LRFN2: variants seen among roughly 807,000 people sequenced by gnomAD.
LRFN2 encodes leucine-rich repeat and fibronectin type-III domain-containing protein 2.
LRFN2 carries 18 observed loss-of-function variants against 37.3 expected under a neutral mutation model. That is an observed-to-expected ratio of 0.48 (90% confidence interval 0.33 to 0.72). The LOEUF (loss-of-function observed/expected upper bound fraction) is 0.72. Among genes scored for constraint, LRFN2 ranks in the 30% least tolerant of loss-of-function variants. The pLI, the probability that LRFN2 is intolerant of heterozygous loss-of-function variation, is 0.02. For missense variants in LRFN2, 1,006 were observed against 1,060.7 expected (o/e 0.95, Z 0.72); for synonymous variants, 556 against 466.6 (o/e 1.19, Z -2.47).
intron 2 of LRFN2, among the ~76,000 whole-genome samples, chr6:40,430,372 A>G (rs1763451924): frequency 1.3e-5 from 2 of 152,252 alleles, no homozygotes; most frequent in African/African-American, 4.8e-5. Context: ...GGAGACCTCC[A>G]GGATGGATCA....
intron 1 of LRFN2, among the ~76,000 whole-genome samples, chr6:40,581,823 G>A (rs534516744): frequency 1.3e-5 from 2 of 152,126 alleles, no homozygotes; most frequent in African/African-American, 2.4e-5. Context: ...CCTGCAGGCT[G>A]AGTGGCCACA....
chr6:40,549,493 A>G (rs1308470332), intron 1 of LRFN2, among the ~76,000 whole-genome samples: 1 of 152,262 alleles, frequency 6.6e-6, no homozygotes, highest in African/African-American at 2.4e-5. Flanking sequence ...GTCCTACAAC[A>G]AAAAGACAAC....
At chr6:40,520,326 TAGA>T (rs1766022941) in intron 1 of LRFN2, among the ~76,000 whole-genome samples, 2 of 151,660 alleles carry the variant, frequency 1.3e-5, no homozygotes, top group Admixed American at 6.6e-5. Flanking sequence ...ATGTGGGCTG[TAGA>T]AGGAGGTGCA....
chr6:40,496,471 C>G (rs1765230711), intron 1 of LRFN2, among the ~76,000 whole-genome samples: 1 of 147,264 alleles, frequency 6.8e-6, no homozygotes, highest in South Asian at 2.1e-4. Flanking sequence ...TCCCTTGGGA[C>G]CACCCTTGGT....
At chr6:40,522,825 C>T (rs1294985407) in intron 1 of LRFN2, among the ~76,000 whole-genome samples, 3 of 152,236 alleles carry the variant, frequency 2.0e-5, no homozygotes, top group East Asian at 3.9e-4. Context: ...GGGATGACAG[C>T]CACTCATGCC....
At chr6:40,471,248 G>GCAAATTTAGGGCT in intron 1 of LRFN2, among the ~76,000 whole-genome samples, 1 of 152,126 alleles carries the variant, frequency 6.6e-6, no homozygotes, top group Non-Finnish European at 1.5e-5. Context: ...GTACAGGAAG[G>GCAAATTTAGGGCT]CAACTTTAGG....
intron 2 of LRFN2, among the ~76,000 whole-genome samples, chr6:40,393,160 G>A (rs1762549947): frequency 6.6e-6 from 1 of 151,296 alleles, no homozygotes; most frequent in Admixed American, 6.6e-5. Flanking sequence ...GGGCAGGCAG[G>A]CAACAGGAAT....
chr6:40,483,315 C>T (rs1321961171), intron 1 of LRFN2, among the ~76,000 whole-genome samples: 17 of 152,220 alleles, frequency 1.1e-4, no homozygotes, highest in Admixed American at 1.1e-3. Flanking sequence ...GGTTTCTTTG[C>T]CCTCCCTGCT....
intron 1 of LRFN2, among the ~76,000 whole-genome samples, chr6:40,457,285 T>C (rs950133814): frequency 1.3e-5 from 2 of 152,048 alleles, no homozygotes; most frequent in Admixed American, 1.3e-4. Flanking sequence ...TTTAGGGCCT[T>C]GAAATATAGG....
At chr6:40,541,660 G>T (rs1042481214) in intron 1 of LRFN2, among the ~76,000 whole-genome samples, 5 of 152,140 alleles carry the variant, frequency 3.3e-5, no homozygotes, top group African/African-American at 1.2e-4. Context: ...AGAGCCCAGG[G>T]GATACAGATC....
chr6:40,419,632 C>G (rs1763176075), intron 2 of LRFN2, among the ~76,000 whole-genome samples: 1 of 152,174 alleles, frequency 6.6e-6, no homozygotes, highest in African/African-American at 2.4e-5. Context: ...GATGAATACA[C>G]CAGGGGCCCT....
chr6:40,464,928 T>G (rs544502610), intron 1 of LRFN2, among the ~76,000 whole-genome samples: 1 of 152,244 alleles, frequency 6.6e-6, no homozygotes, highest in South Asian at 2.1e-4. Context: ...TCTTCATCCC[T>G]AGAGCCTATG....
rs3997706 is a variant in LRFN2 at position 40,396,686 on chromosome 6, C to CTGTGTGTG, written c.1401-3782_1401-3775dup. Among the ~76,000 whole-genome samples, 688 of 135,188 alleles carry CTGTGTGTG rather than the reference C, an allele frequency of 5.1e-3. 10 individuals are homozygous for CTGTGTGTG. Among genetic ancestry groups the CTGTGTGTG allele is most frequent in the African/African-American group, 0.018 (627 of 35,024 alleles). The allele number at this position is 135,188 out of a possible 152,430, so 88.7% of individuals were successfully genotyped here. A position where few individuals can be genotyped will look rare whatever the true frequency, so the allele number is the denominator to read the frequency against. On this transcript the variant is annotated intron_variant, in intron 2 of 2. Coordinates refer to ENST00000338305, the MANE Select transcript of LRFN2 (RefSeq NM_020737.3). The stretch of plus-strand genomic sequence containing the variant: ...GAAGGCGGCTCCTGATTCCTCTGCT[C>CTGTGTGTG]TGTGTGTGTGTGTGTGTGTGTGTGT...
At chr6:40,510,126 C>T (rs1308186075) in intron 1 of LRFN2, among the ~76,000 whole-genome samples, 5 of 149,668 alleles carry the variant, frequency 3.3e-5, no homozygotes, top group South Asian at 4.2e-4. Context: ...TGCGTGCATG[C>T]GGGTATGCTA....
At position 40,512,726 on chromosome 6, in the gene LRFN2, T is replaced by G. The variant is rs1160685007; in HGVS notation, c.-19+74215A>C. ...ATCCCTGGATCCACTTTAGGAACCA[T>G]GCTGGGATAAGAAAAATCTACCAGG... On this transcript the variant is annotated intron_variant, in intron 1 of 2. Coordinates refer to ENST00000338305, the MANE Select transcript of LRFN2 (RefSeq NM_020737.3). Among the ~76,000 whole-genome samples, 7 of 152,188 alleles carry G rather than the reference T, an allele frequency of 4.6e-5. No homozygotes were observed. The East Asian group carries it at 7.7e-4, about 17-fold the overall frequency.
At chr6:40,545,329 G>T (rs572332511) in intron 1 of LRFN2, among the ~76,000 whole-genome samples, 33 of 152,216 alleles carry the variant, frequency 2.2e-4, no homozygotes, top group Non-Finnish European at 2.5e-4. Context: ...AGGTGGTGTG[G>T]TTGGGCTGGG....
chr6:40,399,685 G>T (rs1269238951), intron 2 of LRFN2, among the ~76,000 whole-genome samples: 3 of 151,604 alleles, frequency 2.0e-5, no homozygotes, highest in Admixed American at 6.6e-5. Flanking sequence ...CCATCCGCCC[G>T]CCTTGGCTTC....
chr6:40,497,573 C>G (rs1015034324), intron 1 of LRFN2, among the ~76,000 whole-genome samples: 2 of 152,168 alleles, frequency 1.3e-5, no homozygotes, highest in African/African-American at 4.8e-5. Context: ...CTACACAGAA[C>G]ACAAGGTGAC....
intron 1 of LRFN2, among the ~76,000 whole-genome samples, chr6:40,488,011 A>G (rs1765006010): frequency 6.6e-6 from 1 of 152,176 alleles, no homozygotes; most frequent in Admixed American, 6.5e-5. Context: ...CAGTCACAGC[A>G]GCAGCCCCCA....
Sources: allele counts gnomAD v4.1 joint callset (sites outside exome capture counted in the v4.1 genomes callset), GRCh38; gene constraint gnomAD v4.1.1; transcripts MANE v1.5; gene names NCBI Gene and HGNC (gene_info 2026-07-23, HGNC 2026-07-21).